APBB1IP: variants seen among roughly 807,000 people sequenced by gnomAD.
APBB1IP encodes the protein amyloid beta A4 precursor protein-binding family B member 1-interacting protein.
APBB1IP carries 27 observed loss-of-function variants against 64.9 expected under a neutral mutation model. The observed-to-expected ratio is 0.42, with a 90% CI of 0.31 to 0.57. The LOEUF is 0.57. Ranked by LOEUF, APBB1IP falls within the 20% of genes least tolerant of loss-of-function variation. The pLI is 0.20. For synonymous variants in APBB1IP, 392 were observed against 331.0 expected, an observed-to-expected ratio of 1.18 and a Z score of -2.00; for missense variants, 812 against 845.5, an observed-to-expected ratio of 0.96 and a Z score of 0.49.
intron 2 of APBB1IP, among the ~76,000 whole-genome samples, chr10:26,474,391 A>C (rs1327881766): frequency 6.6e-6 from 1 of 152,246 alleles, no homozygotes; most frequent in African/African-American, 2.4e-5. Context: ...GAAGTTAAAA[A>C]GCCATTTGAC....
intron 8 of APBB1IP, among the ~76,000 whole-genome samples, chr10:26,530,336 T>A (rs1213796010): frequency 6.6e-6 from 1 of 151,502 alleles, no homozygotes; most frequent in Non-Finnish European, 1.5e-5. Context: ...TAGCTGGGAC[T>A]ACAGGTGCAT....
intron 2 of APBB1IP, among the ~76,000 whole-genome samples, chr10:26,484,750 G>A (rs1455086383): frequency 2.0e-5 from 3 of 151,992 alleles, no homozygotes; most frequent in East Asian, 3.8e-4. Flanking sequence ...TTAGTTTTAA[G>A]TGCATCAAAT....
At chr10:26,554,391 C>T (rs1277585538) in intron 11 of APBB1IP, among the ~76,000 whole-genome samples, 4 of 152,374 alleles carry the variant, frequency 2.6e-5, no homozygotes, top group Middle Eastern at 3.4e-3. Flanking sequence ...CATGCCTCCA[C>T]GCCTCTTCTA....
intron 10 of APBB1IP, among the ~76,000 whole-genome samples, chr10:26,540,794 G>C (rs953318395): frequency 6.6e-6 from 1 of 152,212 alleles, no homozygotes; most frequent in African/African-American, 2.4e-5. Context: ...CCGTGGAGGA[G>C]AGGTCTCTGT....
intron 11 of APBB1IP, among the ~76,000 whole-genome samples, chr10:26,548,640 T>G (rs559953691): frequency 1.3e-5 from 2 of 152,288 alleles, no homozygotes; most frequent in African/African-American, 4.8e-5. Context: ...GATTTTCAGA[T>G]AGTTGGCTAC....
intron 11 of APBB1IP, 39 bp downstream of exon 11, chr10:26,541,731 A>G (rs1836699731): frequency 1.4e-6 from 2 of 1,414,074 alleles, no homozygotes; most frequent in Non-Finnish European, 1.9e-6. Flanking sequence ...TTTATAAGCA[A>G]TTTGAGTTAA....
intron 10 of APBB1IP, among the ~76,000 whole-genome samples, chr10:26,538,280 C>T (rs914087125): frequency 6.6e-6 from 1 of 152,068 alleles, no homozygotes; most frequent in Non-Finnish European, 1.5e-5. Context: ...AAGAAATGTT[C>T]CAGATTCATA....
chr10:26,440,692 A>C (rs1305080464), intron 2 of APBB1IP, among the ~76,000 whole-genome samples: 1 of 152,172 alleles, frequency 6.6e-6, no homozygotes, highest in Admixed American at 6.5e-5. Flanking sequence ...TATAGTATTT[A>C]TTACATTTTT....
At chr10:26,564,598 T>A (rs971109194) in intron 14 of APBB1IP, among the ~76,000 whole-genome samples, 1 of 151,878 alleles carries the variant, frequency 6.6e-6, no homozygotes, top group East Asian at 1.9e-4. Context: ...AGTCCAGGAG[T>A]TGGAGACCAG....
intron 11 of APBB1IP, among the ~76,000 whole-genome samples, chr10:26,550,755 G>C (rs531291099): frequency 8.5e-5 from 13 of 152,132 alleles, no homozygotes; most frequent in Admixed American, 2.6e-4. Flanking sequence ...CATTTAGTGA[G>C]ACCATGTTTT....
Position 26,567,209 on chromosome 10 carries a change from C to G in APBB1IP, c.1722C>G (p.Asp574Glu). 2 of 1,383,412 alleles carry G rather than the reference C, an allele frequency of 1.4e-6. No individual in the cohort carries two copies. The highest frequency in any genetic ancestry group is 1.9e-6 in the Non-Finnish European group (2 of 1,071,360). 85.7% of individuals were successfully genotyped at this position (1,383,412 alleles called of 1,614,324 possible). A position where few individuals can be genotyped will look rare whatever the true frequency, so the allele number is the denominator to read the frequency against. The change falls in exon 15 of 15, where the codon GAC becomes GAG. Residue 574 changes from aspartate to glutamate, a missense_variant. Coordinates refer to ENST00000376236, the MANE Select transcript of APBB1IP (RefSeq NM_019043.4). The stretch of plus-strand genomic sequence containing the variant: ...CTGAGCTCCCGCCGCCGCCCCCGGA[C>G]TTCATGGAGCCGCCCCCAGACTTCG... ...DDPELPPPPP[D>E]FMEPPPDFVP...
At chr10:26,443,144 G>A (rs775388313) in intron 2 of APBB1IP, among the ~76,000 whole-genome samples, 4 of 152,236 alleles carry the variant, frequency 2.6e-5, no homozygotes, top group Non-Finnish European at 4.4e-5. Flanking sequence ...ATATGTGGCC[G>A]GGCGTGGTGG....
At position 26,524,955 on chromosome 10, in the gene APBB1IP, C is replaced by CTTTCTTTTTTTTTTTTTTTTTT. The variant is rs747655095; in HGVS notation, c.814-8481_814-8480insCTTTTTTTTTTTTTTTTTTTTT. 2.2e-3 allele frequency among the ~76,000 whole-genome samples: 164 copies of CTTTCTTTTTTTTTTTTTTTTTT among 73,944 alleles called. 10 individuals carry two copies. Among genetic ancestry groups the CTTTCTTTTTTTTTTTTTTTTTT allele is most frequent in the Non-Finnish European group, 3.0e-3 (115 of 38,460 alleles). 48.5% of individuals were successfully genotyped at this position (73,944 alleles called of 152,430 possible). A position where few individuals can be genotyped will look rare whatever the true frequency, so the allele number is the denominator to read the frequency against. On this transcript the variant is annotated intron_variant, in intron 8 of 14. Transcript: ENST00000376236. ...TCTTTTTCTTTCTCTTTCTTTCTTT[C>CTTTCTTTTTTTTTTTTTTTTTT]TTTTTTTTTTTTTTTTTTTATAAAA...
intron 11 of APBB1IP, among the ~76,000 whole-genome samples, chr10:26,554,009 A>G (rs996713168): frequency 6.6e-6 from 1 of 152,198 alleles, no homozygotes; most frequent in African/African-American, 2.4e-5. Context: ...TCACAGCCAC[A>G]GCTCCAACCA....
chr10:26,567,549 C>G lies in APBB1IP; in HGVS notation c.*61C>G, dbSNP rs1378253607. The G allele has an allele frequency of 6.7e-7, 1 of 1,503,526 alleles. No individual in the cohort carries two copies. Among genetic ancestry groups the G allele is most frequent in the Non-Finnish European group, 9.0e-7 (1 of 1,109,508 alleles). The allele number at this position is 1,503,526 out of a possible 1,614,324, so 93.1% of individuals were successfully genotyped here. A position where few individuals can be genotyped will look rare whatever the true frequency, so the allele number is the denominator to read the frequency against. Reference sequence around the variant, plus strand: ...TCGCTGACCCCGAGCGCAGGTTTTGCTAGCAGATTGCCCTGACATCTTGTT... The same window carrying G: ...TCGCTGACCCCGAGCGCAGGTTTTGGTAGCAGATTGCCCTGACATCTTGTT... On this transcript the variant is annotated 3_prime_UTR_variant, in exon 15 of 15. Coordinates refer to ENST00000376236, the MANE Select transcript of APBB1IP (RefSeq NM_019043.4).
At chr10:26,447,416 T>C (rs999537239) in intron 2 of APBB1IP, among the ~76,000 whole-genome samples, 16 of 150,756 alleles carry the variant, frequency 1.1e-4, no homozygotes, top group African/African-American at 3.9e-4. Context: ...TTCTATACCT[T>C]GTGGCCAAAT....
intron 11 of APBB1IP, among the ~76,000 whole-genome samples, chr10:26,554,172 C>T (rs889043143): frequency 6.6e-6 from 1 of 152,182 alleles, no homozygotes; most frequent in African/African-American, 2.4e-5. Flanking sequence ...TTCCACAGTC[C>T]CTCAAGGATG....
At chr10:26,475,224 G>C (rs1420811100) in intron 2 of APBB1IP, among the ~76,000 whole-genome samples, 1 of 151,534 alleles carries the variant, frequency 6.6e-6, no homozygotes. Flanking sequence ...CCAGGTTCAA[G>C]CGATTCTCCT....
chr10:26,443,619 C>T lies in APBB1IP; in HGVS notation c.-1+4766C>T, dbSNP rs1285496097. Among the ~76,000 whole-genome samples the T allele has an allele frequency of 2.6e-5, 4 of 152,008 alleles. No individual in the cohort carries two copies. In the South Asian group the frequency reaches 8.3e-4, roughly 31 times the overall value. ...GCACAATTAAGGCTCACTGTAGCCT[C>T]AACCTCCTGGGCTCAAGCAATCCTC... On this transcript the variant is annotated intron_variant, in intron 2 of 14. Coordinates refer to ENST00000376236, the MANE Select transcript of APBB1IP (RefSeq NM_019043.4).
Sources: allele counts gnomAD v4.1 joint callset (sites outside exome capture counted in the v4.1 genomes callset), GRCh38; gene constraint gnomAD v4.1.1; transcripts MANE v1.5; gene names NCBI Gene and HGNC (gene_info 2026-07-23, HGNC 2026-07-21).